The following DDX31 variants were observed in gnomAD, a reference collection of about 807,000 sequenced individuals.
DDX31 encodes the protein DEAD-box helicase 31.
A neutral mutation model predicts 91.3 loss-of-function variants in DDX31; 70 were observed. That is an observed-to-expected ratio of 0.77 (90% CI 0.63 to 0.94). DDX31 has a LOEUF of 0.94. DDX31 is among the 40% of genes least tolerant of loss of function. The pLI is 0.00. For missense variants in DDX31, 902 were observed against 925.0 expected (o/e 0.98, Z 0.32); for synonymous variants, 362 against 350.6 (o/e 1.03, Z -0.36).
At chr9:132,653,624 GAAGA>G (rs1834361211) in intron 6 of DDX31, among the ~76,000 whole-genome samples, 1 of 147,108 alleles carries the variant, frequency 6.8e-6, no homozygotes, top group African/African-American at 2.5e-5. Context: ...AAATCTATAT[GAAGA>G]AAATTTAAAA....
At chr9:132,639,096 A>G (rs1249740569) in intron 14 of DDX31, among the ~76,000 whole-genome samples, 2 of 152,162 alleles carry the variant, frequency 1.3e-5, no homozygotes, top group Non-Finnish European at 2.9e-5. Context: ...CTGGCAAGCA[A>G]CAGGCTGCTT....
chr9:132,613,356 AT>A (rs1831455004), intron 18 of DDX31, among the ~76,000 whole-genome samples: 1 of 152,256 alleles, frequency 6.6e-6, no homozygotes, highest in South Asian at 2.1e-4. Flanking sequence ...ATTTAGGGAC[AT>A]TCATCAAACA....
chr9:132,634,141 C>G (rs1472373379), intron 14 of DDX31, among the ~76,000 whole-genome samples: 1 of 152,230 alleles, frequency 6.6e-6, no homozygotes, highest in African/African-American at 2.4e-5. Context: ...GTGGTTATCT[C>G]TGGACAGAGG....
chr9:132,630,495 C>T, intron 15 of DDX31, 92 bp from the exon 16 acceptor site: 1 of 1,292,878 alleles, frequency 7.7e-7, no homozygotes, highest in Non-Finnish European at 1.0e-6. Context: ...CCAGGTATCC[C>T]AAGAATTAAA....
chr9:132,610,606 TC>T (rs1178631393), intron 19 of DDX31, among the ~76,000 whole-genome samples: 5 of 151,604 alleles, frequency 3.3e-5, no homozygotes, highest in Non-Finnish European at 5.9e-5. Context: ...CCTATATGGT[TC>T]AAAAAGCATA....
At chr9:132,632,978 AAC>A (rs1446574982) in intron 14 of DDX31, among the ~76,000 whole-genome samples, 1 of 152,186 alleles carries the variant, frequency 6.6e-6, no homozygotes, top group East Asian at 1.9e-4. Flanking sequence ...CTTCAAGAAT[AAC>A]AGTCGTAACA....
chr9:132,669,481 A>T (rs1197192917), intron 1 of DDX31: 1 of 961,506 alleles, frequency 1.0e-6, no homozygotes, highest in Non-Finnish European at 1.4e-6. Context: ...AAAAAAAAAA[A>T]TCAGAGCTTA....
At chr9:132,663,478 A>T in intron 1 of DDX31, 1 of 985,420 alleles carries the variant, frequency 1.0e-6, no homozygotes, top group Non-Finnish European at 1.2e-6. Context: ...TTTCCATTAC[A>T]GGAATGTGCT....
At chr9:132,597,262 T>G (rs1021067341) in intron 19 of DDX31, among the ~76,000 whole-genome samples, 4 of 151,900 alleles carry the variant, frequency 2.6e-5, no homozygotes, top group Non-Finnish European at 5.9e-5. Context: ...CTGGAGGAGG[T>G]CCAAGCTGCT....
At chr9:132,611,252 G>C (rs1306225574) in intron 19 of DDX31, among the ~76,000 whole-genome samples, 1 of 152,144 alleles carries the variant, frequency 6.6e-6, no homozygotes, top group Non-Finnish European at 1.5e-5. Context: ...ATCAGGACAG[G>C]TGAGAAAAAA....
chr9:132,593,425 AAAAG>A lies in DDX31; in HGVS notation c.*1437_*1440del, dbSNP rs1830293485. The A allele has an allele frequency of 6.6e-6, 1 of 152,244 alleles. No homozygotes were observed. Among genetic ancestry groups the A allele is most frequent in the South Asian group, 2.1e-4 (1 of 4,836 alleles). The allele number at this position is 152,244 out of a possible 1,614,324, so 9.4% of individuals were successfully genotyped here. A position where few individuals can be genotyped will look rare whatever the true frequency, so the allele number is the denominator to read the frequency against. ...CATGTGAACCATTACACATCGAAAT[AAAAG>A]AAAGGTGGCAGACTTGCCCAACGCC... is the stretch of plus-strand genomic sequence containing the variant. On this transcript the variant is annotated 3_prime_UTR_variant, in exon 20 of 20. Coordinates refer to ENST00000372159, the MANE Select transcript of DDX31 (RefSeq NM_022779.9).
intron 6 of DDX31, chr9:132,658,100 C>G (rs1354347199): frequency 1.9e-6 from 1 of 537,108 alleles, no homozygotes; most frequent in Non-Finnish European, 3.3e-6. Context: ...AAAACCAAAT[C>G]ACCTTTATTG....
Position 132,659,722 on chromosome 9 carries a change from G to C in DDX31, c.511C>G (p.Gln171Glu). Residue 171 changes from glutamine to glutamate, a missense_variant, in exon 5 of 20, where the codon CAG becomes GAG. Transcript: ENST00000372159. Reference protein sequence around the residue: ...LEGRDALVRSQTGSGKTLAYC... With the variant: ...LEGRDALVRSETGSGKTLAYC... ...AAATGAGACTAACCTGAGCCCGTCTGGGATCTCACGAGAGCATCTCTGCCT... is the reference window on the plus strand; with the variant it reads ...AAATGAGACTAACCTGAGCCCGTCTCGGATCTCACGAGAGCATCTCTGCCT... 1 of 1,611,374 alleles carries C rather than the reference G, an allele frequency of 6.2e-7. No homozygotes were observed. The highest frequency in any genetic ancestry group is 8.5e-7 in the Non-Finnish European group (1 of 1,178,628).
At position 132,594,181 on chromosome 9, in the gene DDX31, T is replaced by C. The variant is rs1014383641; in HGVS notation, c.*685A>G. 6 of 152,028 alleles carry C rather than the reference T, an allele frequency of 3.9e-5. No individual in the cohort carries two copies. The highest frequency in any genetic ancestry group is 3.9e-4 in the Admixed American group (6 of 15,266). The allele number at this position is 152,028 out of a possible 1,614,324, so 9.4% of individuals were successfully genotyped here. The stretch of plus-strand genomic sequence containing the variant: ...AAGGCAAATAATAAAAAGCCAACAG[T>C]AAATCAATTAGCCCTGAGAGAGTGA... On this transcript the variant is annotated 3_prime_UTR_variant, in exon 20 of 20. Coordinates refer to ENST00000372159, the MANE Select transcript of DDX31 (RefSeq NM_022779.9).
At chr9:132,668,090 T>C (rs1384159083) in intron 1 of DDX31, among the ~76,000 whole-genome samples, 1 of 152,164 alleles carries the variant, frequency 6.6e-6, no homozygotes, top group Non-Finnish European at 1.5e-5. Flanking sequence ...TCTTCTATCC[T>C]TCTCCCCGCT....
At position 132,593,970 on chromosome 9, in the gene DDX31, T is replaced by C. The variant is rs1325884550; in HGVS notation, c.*896A>G. The stretch of plus-strand genomic sequence containing the variant: ...TCTTACATTTATTGGGAAATCAATA[T>C]GCTCCAGGGGGCCTCTTTCAAACCT... On this transcript the variant is annotated 3_prime_UTR_variant, in exon 20 of 20. Transcript: ENST00000372159. 3 of 137,312 alleles carry C rather than the reference T, an allele frequency of 2.2e-5. No individual in the cohort carries two copies. Among genetic ancestry groups the C allele is most frequent in the African/African-American group, 8.0e-5 (3 of 37,392 alleles). The allele number at this position is 137,312 out of a possible 1,614,324, so 8.5% of individuals were successfully genotyped here. A position where few individuals can be genotyped will look rare whatever the true frequency, so the allele number is the denominator to read the frequency against.
At chr9:132,669,352 G>A (rs1006431255) in intron 1 of DDX31, among the ~76,000 whole-genome samples, 2 of 144,272 alleles carry the variant, frequency 1.4e-5, no homozygotes, top group African/African-American at 5.2e-5. Context: ...GTCACATAAT[G>A]TTAGGCCAGA....
intron 16 of DDX31, among the ~76,000 whole-genome samples, chr9:132,625,962 C>T (rs1055288348): frequency 1.2e-4 from 19 of 152,144 alleles, no homozygotes; most frequent in African/African-American, 4.6e-4. Flanking sequence ...TTTCTTTCCT[C>T]TCTGATGAAT....
intron 1 of DDX31, among the ~76,000 whole-genome samples, chr9:132,668,189 A>G (rs1357640309): frequency 2.0e-5 from 3 of 152,198 alleles, no homozygotes; most frequent in Non-Finnish European, 4.4e-5. Context: ...TATGATTTTA[A>G]TCAGTCTTTC....
Sources: gnomAD v4.1 joint callset for allele counts (sites outside exome capture counted in the v4.1 genomes callset) on GRCh38, gnomAD v4.1.1 for gene constraint, MANE v1.5 for transcripts, NCBI Gene and HGNC (gene_info 2026-07-23, HGNC 2026-07-21) for gene names.